Variants in ARL17B observed in about 807,000 individuals in gnomAD.
The protein encoded by ARL17B is ADP-ribosylation factor-like protein 17.
At chr17:46,286,734 G>C (rs1444614651) in intron 4 of ARL17B, among the ~76,000 whole-genome samples, 1 of 152,236 alleles carries the variant, frequency 6.6e-6, no homozygotes, top group Non-Finnish European at 1.5e-5. Flanking sequence ...AAGTAAATAA[G>C]TAACCAGTCA....
rs1165297047 is a variant in ARL17B at position 46,341,004 on chromosome 17, G to A, written c.260-1230C>T. Among the ~76,000 whole-genome samples the A allele has an allele frequency of 7.1e-5, 5 of 70,918 alleles. No homozygotes were observed. The East Asian group carries it at 7.4e-4, about 10-fold the overall frequency. The allele number at this position is 70,918 out of a possible 152,430, so 46.5% of individuals were successfully genotyped here. On this transcript the variant is annotated intron_variant, in intron 3 of 3. Transcript: ENST00000450673. ...GATCCTCCCGCCTTGGTCTCTCAAC[G>A]TACTGGGATTACAGGTGGGAGTCCC...
At chr17:46,359,058 C>CT (rs1387511354) in intron 1 of ARL17B, among the ~76,000 whole-genome samples, 2 of 152,068 alleles carry the variant, frequency 1.3e-5, no homozygotes, top group African/African-American at 4.8e-5. Context: ...ACAAATACAA[C>CT]TATACCTCAT....
chr17:46,281,666 G>A (rs1404146716), intron 4 of ARL17B, among the ~76,000 whole-genome samples: 6 of 152,134 alleles, frequency 3.9e-5, no homozygotes, highest in Admixed American at 2.0e-4. Context: ...TTCTTCTTTT[G>A]TGAGAGTCTC....
intron 4 of ARL17B, among the ~76,000 whole-genome samples, chr17:46,283,739 G>A (rs77940563): frequency 2.0e-5 from 3 of 152,270 alleles, no homozygotes; most frequent in Non-Finnish European, 4.4e-5. Context: ...GGGTACCTGC[G>A]TTCAGCATAT....
chr17:46,292,102 AG>A (rs2050089112), intron 4 of ARL17B, among the ~76,000 whole-genome samples: 1 of 142,578 alleles, frequency 7.0e-6, no homozygotes, highest in Non-Finnish European at 1.5e-5. Context: ...GAGGCTGAGG[AG>A]GGAGGATCAC....
intron 4 of ARL17B, among the ~76,000 whole-genome samples, chr17:46,279,900 C>G: frequency 6.6e-6 from 1 of 152,124 alleles, no homozygotes; most frequent in East Asian, 1.9e-4. Context: ...GTTTTTCTGT[C>G]TTAAACAAAT....
At chr17:46,280,411 C>T (rs2696519) in intron 4 of ARL17B, among the ~76,000 whole-genome samples, 21,717 of 151,908 alleles carry the variant, frequency 0.14, 1,884 homozygotes, top group Non-Finnish European at 0.22. Context: ...CAGTGGCTCA[C>T]GGCTGTAATC....
At chr17:46,288,706 C>CTTTTTTTTTTTTT (rs199591277) in intron 4 of ARL17B, among the ~76,000 whole-genome samples, 2 of 139,042 alleles carry the variant, frequency 1.4e-5, no homozygotes, top group African/African-American at 2.7e-5. Context: ...CTTGTTTTTT[C>CTTTTTTTTTTTTT]TTTTTTTTTT....
At chr17:46,290,572 A>T (rs2050039153) in intron 4 of ARL17B, among the ~76,000 whole-genome samples, 1 of 152,098 alleles carries the variant, frequency 6.6e-6, no homozygotes, top group African/African-American at 2.4e-5. Flanking sequence ...TCAGCCTCCC[A>T]GGCAGCTGGG....
intron 4 of ARL17B, among the ~76,000 whole-genome samples, chr17:46,291,954 C>T (rs2469918): frequency 0.19 from 20,873 of 110,146 alleles, 1,942 homozygotes; most frequent in Middle Eastern, 0.31. Flanking sequence ...GAATAAGGCC[C>T]TGCTTCTCAA....
chr17:46,278,408 T>TTG (rs1235143871), intron 4 of ARL17B, among the ~76,000 whole-genome samples: 2,359 of 147,102 alleles, frequency 0.016, 45 homozygotes, highest in East Asian at 0.058. Flanking sequence ...TTTGTTTTTT[T>TTG]TTTGTTGTTG....
At chr17:46,276,954 C>A (rs1271310878) in intron 4 of ARL17B, among the ~76,000 whole-genome samples, 1 of 152,038 alleles carries the variant, frequency 6.6e-6, no homozygotes, top group Non-Finnish European at 1.5e-5. Flanking sequence ...CAGGCACGTG[C>A]CACCATGCTC....
Position 46,325,425 on chromosome 17 carries a change from AATGATCTTTC to A in ARL17B, c.260-25770_260-25761del, listed in dbSNP as rs1216869764. On this transcript the variant is annotated intron_variant, in intron 3 of 4. Coordinates refer to the ARL17B transcript ENST00000434041. ...CTCATTTGAGTCTTGGCTCATGTGT[AATGATCTTTC>A]ATGTGTATTGAAAAATTATTCTCAA... 2.6e-5 allele frequency among the ~76,000 whole-genome samples: 2 copies of A among 77,470 alleles called. 1 individual carries two copies. The highest frequency in any genetic ancestry group is 7.7e-5 in the Non-Finnish European group (2 of 25,828). The allele number at this position is 77,470 out of a possible 152,430, so 50.8% of individuals were successfully genotyped here. A position where few individuals can be genotyped will look rare whatever the true frequency, so the allele number is the denominator to read the frequency against.
chr17:46,332,965 C>CA (rs1230413854), downstream of ARL17B, among the ~76,000 whole-genome samples: 1 of 150,946 alleles, frequency 6.6e-6, no homozygotes, highest in African/African-American at 2.4e-5. Context: ...ATGTACTCAT[C>CA]AAGTCACCCT....
chr17:46,283,978 C>T (rs62071640), intron 4 of ARL17B, among the ~76,000 whole-genome samples: 6,055 of 127,104 alleles, frequency 0.048, no homozygotes, highest in Non-Finnish European at 0.078. Flanking sequence ...TATGGCTGCC[C>T]GCGTGTCCCA....
At chr17:46,283,607 G>C (rs2049828122) in intron 4 of ARL17B, among the ~76,000 whole-genome samples, 2 of 152,214 alleles carry the variant, frequency 1.3e-5, no homozygotes, top group African/African-American at 4.8e-5. Flanking sequence ...GGAAGACCTT[G>C]GTGTGGTGAA....
intron 4 of ARL17B, among the ~76,000 whole-genome samples, chr17:46,276,397 T>A (rs1333340919): frequency 6.6e-6 from 1 of 152,260 alleles, no homozygotes; most frequent in Non-Finnish European, 1.5e-5. Context: ...AAAATTATAT[T>A]AGCTAACCTG....
At chr17:46,317,128 A>G (rs1229944133) in intron 3 of ARL17B, among the ~76,000 whole-genome samples, 2 of 88,772 alleles carry the variant, frequency 2.3e-5, no homozygotes, top group Non-Finnish European at 3.3e-5. Flanking sequence ...GCTGTTGGGT[A>G]CACCTCCCAG....
At chr17:46,279,319 G>C (rs866262476) in intron 4 of ARL17B, among the ~76,000 whole-genome samples, 1 of 151,514 alleles carries the variant, frequency 6.6e-6, no homozygotes, top group Non-Finnish European at 1.5e-5. Flanking sequence ...AAGTAGCGAG[G>C]ATTACAGGTG....
Sources: allele counts gnomAD v4.1 joint callset (sites outside exome capture counted in the v4.1 genomes callset), GRCh38; gene constraint gnomAD v4.1.1; transcripts MANE v1.5; gene names NCBI Gene and HGNC (gene_info 2026-07-23, HGNC 2026-07-21).